Variants in BLTP1 observed in about 807,000 individuals in gnomAD.
BLTP1 encodes the protein fragile site-associated protein.
chr4:122,208,499 A>C, the BLTP1 span: 174 of 950,596 alleles, frequency 1.8e-4, 2 homozygotes, highest in African/African-American at 2.8e-3. Context: ...AATGAGACTT[A>C]CTAGAATCAA....
At chr4:122,346,761 G>A in the BLTP1 span, 2 of 1,608,394 alleles carry the variant, frequency 1.2e-6, no homozygotes, top group Non-Finnish European at 1.7e-6. Context: ...AATTTGCCAA[G>A]TAAGCTTGTT....
chr4:122,350,039 T>C, the BLTP1 span: 1 of 1,613,840 alleles, frequency 6.2e-7, no homozygotes, highest in East Asian at 2.2e-5. Flanking sequence ...CCAAAGACAA[T>C]GACTAGCAAC....
the BLTP1 span, chr4:122,246,413 AT>A: frequency 6.6e-5 from 74 of 1,112,894 alleles, no homozygotes; most frequent in Middle Eastern, 1.3e-3. Context: ...TATTAAAAAA[AT>A]ATGTTTTATT....
At chr4:122,199,337 G>C in the BLTP1 span, 1 of 1,608,232 alleles carries the variant, frequency 6.2e-7, no homozygotes, top group South Asian at 1.1e-5. Context: ...CTGGTTCTTA[G>C]TTTTTATGTT....
At chr4:122,328,358 G>C in the BLTP1 span, 1 of 1,602,564 alleles carries the variant, frequency 6.2e-7, no homozygotes, top group African/African-American at 1.3e-5. Flanking sequence ...GGAAACCCTC[G>C]TGAGTAACCT....
At chr4:122,250,670 C>A in the BLTP1 span, 2 of 1,163,222 alleles carry the variant, frequency 1.7e-6, no homozygotes, top group African/African-American at 1.5e-5. Flanking sequence ...AGTGTATTTG[C>A]CTGTCTTTCC....
the BLTP1 span, chr4:122,325,193 G>T: frequency 6.4e-7 from 1 of 1,555,058 alleles, no homozygotes; most frequent in South Asian, 1.2e-5. Flanking sequence ...TTTTTAATGA[G>T]AATATTGGTG....
chr4:122,353,192 T>G, the BLTP1 span: 5 of 1,602,654 alleles, frequency 3.1e-6, no homozygotes, highest in South Asian at 1.1e-5. This position sits in a 1 kb window ranked among gnomAD's most constrained non-coding sequence, Gnocchi z 4.3. Flanking sequence ...CTTTCTCCTA[T>G]CTTCTGTTAT....
chr4:122,205,619 G>A, the BLTP1 span, among the ~76,000 whole-genome samples: 1 of 101,036 alleles, frequency 9.9e-6, no homozygotes, highest in African/African-American at 4.1e-5. Flanking sequence ...TAATAATACT[G>A]TTTCCAATTG....
At chr4:122,204,089 C>T in the BLTP1 span, among the ~76,000 whole-genome samples, 1 of 151,868 alleles carries the variant, frequency 6.6e-6, no homozygotes, top group Admixed American at 6.6e-5. Flanking sequence ...TAAATATGAT[C>T]TCTGCCCTCA....
At chr4:122,286,440 A>T in the BLTP1 span, 1 of 1,542,598 alleles carries the variant, frequency 6.5e-7, no homozygotes, top group Non-Finnish European at 8.8e-7. Flanking sequence ...TAGGTTTGGG[A>T]ATATCCATGC....
chr4:122,220,475 G>A, the BLTP1 span: 3 of 1,604,866 alleles, frequency 1.9e-6, no homozygotes, highest in Non-Finnish European at 2.6e-6. Flanking sequence ...TATCAGGTAA[G>A]GTGAAAATGA....
chr4:122,327,155 C>T, the BLTP1 span, among the ~76,000 whole-genome samples: 1 of 147,780 alleles, frequency 6.8e-6, no homozygotes, highest in Admixed American at 6.8e-5. Flanking sequence ...AATGCAGTGG[C>T]CTCCTGGTGA....
chr4:122,273,297 CA>C, the BLTP1 span: 1 of 982,922 alleles, frequency 1.0e-6, no homozygotes, highest in Non-Finnish European at 1.2e-6. Flanking sequence ...ATTATTTACT[CA>C]AAAAACTAAT....
the BLTP1 span, among the ~76,000 whole-genome samples, chr4:122,158,932 C>T: frequency 6.6e-6 from 1 of 152,074 alleles, no homozygotes; most frequent in Non-Finnish European, 1.5e-5. Context: ...GCATGAAGAA[C>T]CATTTTTGTA....
chr4:122,258,984 C>T, the BLTP1 span: 1 of 573,574 alleles, frequency 1.7e-6, no homozygotes, highest in African/African-American at 1.9e-5. Flanking sequence ...TTTGTAATTT[C>T]AGTGTAAATA....
At chr4:122,248,044 G>C in the BLTP1 span, 1 of 984,996 alleles carries the variant, frequency 1.0e-6, no homozygotes, top group Non-Finnish European at 1.2e-6. Context: ...TTTGCTTACT[G>C]TATTTTATAG....
the BLTP1 span, chr4:122,307,351 T>C: frequency 2.2e-6 from 1 of 451,698 alleles, no homozygotes; most frequent in Non-Finnish European, 2.9e-6. Flanking sequence ...CAGAAAGTTT[T>C]GGGATTTTGG....
At chr4:122,269,371 C>T in the BLTP1 span, 3 of 977,246 alleles carry the variant, frequency 3.1e-6, no homozygotes, top group Non-Finnish European at 3.6e-6. Flanking sequence ...TTTGAGCACA[C>T]AAGTAAGTCT....
Sources: gnomAD v4.1 joint callset for allele counts (sites outside exome capture counted in the v4.1 genomes callset) on GRCh38, gnomAD v4.1.1 for gene constraint, Gnocchi (gnomAD v3.1) non-coding constraint, MANE v1.5 for transcripts, NCBI Gene and HGNC (gene_info 2026-07-23, HGNC 2026-07-21) for gene names.